CSMD1: variants seen among roughly 807,000 people sequenced by gnomAD.
The protein encoded by CSMD1 is CUB and Sushi multiple domains 1.
In CSMD1, 213 loss-of-function variants were observed where a neutral mutation model predicts 417.5. The observed-to-expected ratio is 0.51, with a 90% CI of 0.46 to 0.57. CSMD1 has a LOEUF of 0.57. Among genes scored for constraint, CSMD1 ranks in the 20% least tolerant of loss-of-function variants. The pLI is 0.00. For missense variants in CSMD1, 6,923 were observed against 4,529.7 expected, an observed-to-expected ratio of 1.53 and a Z score of -15.17; for synonymous variants, 2,862 against 1,736.8, an observed-to-expected ratio of 1.65 and a Z score of -16.11.
intron 2 of CSMD1, among the ~76,000 whole-genome samples, chr8:4,529,741 A>T (rs1796696130): frequency 6.6e-6 from 1 of 152,100 alleles, no homozygotes; most frequent in African/African-American, 2.4e-5. Context: ...CAAATTTTTC[A>T]GACTATAAAG....
rs568701915 is a variant in CSMD1 at position 4,050,766 on chromosome 8, C to A, written c.416-18667G>T. Among the ~76,000 whole-genome samples the A allele has an allele frequency of 8.5e-4, 129 of 152,166 alleles. No individual in the cohort carries two copies. The Middle Eastern group carries it at 0.014, about 16-fold the overall frequency. On this transcript the variant is annotated intron_variant, in intron 3 of 69. Transcript: ENST00000635120. ...CTAAACTATAAATGCCCTAATTGAC[C>A]AAGTGTATAAAATTCAGAGTCCCTG...
chr8:4,782,800 A>T (rs1332238689), intron 1 of CSMD1, among the ~76,000 whole-genome samples: 1 of 152,090 alleles, frequency 6.6e-6, no homozygotes, highest in Non-Finnish European at 1.5e-5. Context: ...GATTATATCT[A>T]TTTTCACATG....
intron 7 of CSMD1, among the ~76,000 whole-genome samples, chr8:3,660,127 A>G (rs1798334704): frequency 6.6e-6 from 1 of 152,194 alleles, no homozygotes; most frequent in African/African-American, 2.4e-5. Context: ...AGTTTGCAAA[A>G]TACTTTCAAC....
At chr8:4,409,724 A>C (rs558297085) in intron 3 of CSMD1, among the ~76,000 whole-genome samples, 18 of 152,006 alleles carry the variant, frequency 1.2e-4, no homozygotes, top group African/African-American at 4.1e-4. Context: ...CAGGCTTCCC[A>C]AGATGGCAAA....
rs1486970279 is a variant in CSMD1 at position 4,265,577 on chromosome 8, A to G, written c.415+154376T>C. Among the ~76,000 whole-genome samples, 14 of 105,656 alleles carry G rather than the reference A, an allele frequency of 1.3e-4. 4 individuals are homozygous for G. Among genetic ancestry groups the G allele is most frequent in the Non-Finnish European group, 3.1e-4 (12 of 39,278 alleles). The allele number at this position is 105,656 out of a possible 152,430, so 69.3% of individuals were successfully genotyped here. ...TTCATATACTCCTATGTTTTATGCT[A>G]TATTTTATGGAATACAAAACAAGGA... On this transcript the variant is annotated intron_variant, in intron 3 of 69. Coordinates refer to ENST00000635120, the MANE Select transcript of CSMD1 (RefSeq NM_033225.6).
chr8:3,228,820 T>C (rs994775410), intron 27 of CSMD1, among the ~76,000 whole-genome samples: 8 of 151,182 alleles, frequency 5.3e-5, no homozygotes, highest in Non-Finnish European at 8.8e-5. Context: ...AAGTAGGCCA[T>C]TGGTTTAAAA....
At chr8:3,012,560 C>G (rs570194576) in intron 52 of CSMD1, among the ~76,000 whole-genome samples, 83 of 152,142 alleles carry the variant, frequency 5.5e-4, no homozygotes, top group African/African-American at 2.0e-3. Context: ...ATCTCAGCCA[C>G]AATTCAGGGA....
intron 68 of CSMD1, among the ~76,000 whole-genome samples, chr8:2,945,397 TA>T (rs1802155057): frequency 6.6e-6 from 1 of 152,228 alleles, no homozygotes; most frequent in Non-Finnish European, 1.5e-5. Context: ...TGATTAGATA[TA>T]ACAGCATTTA....
At chr8:3,235,132 T>C (rs1454862278) in intron 26 of CSMD1, among the ~76,000 whole-genome samples, 1 of 152,188 alleles carries the variant, frequency 6.6e-6, no homozygotes. Flanking sequence ...AAAATAATTG[T>C]CATACAGTGA....
At position 4,217,690 on chromosome 8, in the gene CSMD1, G is replaced by A. The variant is rs140183635; in HGVS notation, c.416-185591C>T. Among the ~76,000 whole-genome samples the A allele has an allele frequency of 3.2e-3, 488 of 151,866 alleles. 1 individual carries two copies. The highest frequency in any genetic ancestry group is 0.011 in the African/African-American group (466 of 41,432). On this transcript the variant is annotated intron_variant, in intron 3 of 69. Coordinates refer to ENST00000635120, the MANE Select transcript of CSMD1 (RefSeq NM_033225.6). Reference sequence around the variant, plus strand: ...AAAAAAATTAGGAGCTAATTTTGTTGTCTGAATTTAAAGTTTTAGGAAATA... The same window carrying A: ...AAAAAAATTAGGAGCTAATTTTGTTATCTGAATTTAAAGTTTTAGGAAATA...
At chr8:4,807,786 C>G (rs1042658459) in intron 1 of CSMD1, among the ~76,000 whole-genome samples, 3 of 152,080 alleles carry the variant, frequency 2.0e-5, no homozygotes, top group African/African-American at 7.2e-5. Context: ...CTATATCTGA[C>G]ATAGAATAAT....
At chr8:4,007,732 TTA>T (rs1816237704) in intron 4 of CSMD1, among the ~76,000 whole-genome samples, 1 of 152,194 alleles carries the variant, frequency 6.6e-6, no homozygotes, top group Admixed American at 6.5e-5. Context: ...TTTCCTACAG[TTA>T]TATCAGTTGC....
intron 12 of CSMD1, among the ~76,000 whole-genome samples, chr8:3,413,964 C>T (rs910028718): frequency 5.9e-5 from 9 of 151,654 alleles, no homozygotes; most frequent in African/African-American, 2.2e-4. Flanking sequence ...CATCATGAAA[C>T]CCTATCTCTA....
chr8:3,754,072 C>T, intron 5 of CSMD1, 30 bp from the exon 6 acceptor site: 1 of 1,467,144 alleles, frequency 6.8e-7, no homozygotes, highest in Non-Finnish European at 9.5e-7. Flanking sequence ...AAAAAATCTC[C>T]CTTGTAAACC....
rs185404440 is a variant in CSMD1 at position 3,912,005 on chromosome 8, T to A, written c.818+85898A>T. ...GAACCGATAAAAATAGTTCAAAGGATCACCAATTGTCATATAGACACATAT... is the reference window on the plus strand; with the variant it reads ...GAACCGATAAAAATAGTTCAAAGGAACACCAATTGTCATATAGACACATAT... On this transcript the variant is annotated intron_variant, in intron 5 of 69. Coordinates refer to ENST00000635120, the MANE Select transcript of CSMD1 (RefSeq NM_033225.6). Among the ~76,000 whole-genome samples the A allele has an allele frequency of 2.0e-3, 304 of 152,334 alleles. 1 individual carries two copies. The highest frequency in any genetic ancestry group is 7.0e-3 in the African/African-American group (290 of 41,582).
At chr8:3,257,323 T>C (rs62505003) in intron 26 of CSMD1, among the ~76,000 whole-genome samples, 19,605 of 152,224 alleles carry the variant, frequency 0.13, 1,734 homozygotes, top group Non-Finnish European at 0.19. Context: ...AAACTCCATC[T>C]CAAAACAAAC....
chr8:4,937,015 A>C (rs1585365107), intron 1 of CSMD1, among the ~76,000 whole-genome samples: 1 of 152,184 alleles, frequency 6.6e-6, no homozygotes, highest in African/African-American at 2.4e-5. Context: ...ATTGGAGACC[A>C]GCCTGGCCAA....
intron 21 of CSMD1, among the ~76,000 whole-genome samples, chr8:3,358,573 A>T (rs1332719091): frequency 6.6e-6 from 1 of 152,016 alleles, no homozygotes; most frequent in African/African-American, 2.4e-5. Context: ...TTCATGGCAA[A>T]GTACCGAAAT....
intron 1 of CSMD1, among the ~76,000 whole-genome samples, chr8:4,726,936 T>A (rs293875): frequency 6.6e-6 from 1 of 152,108 alleles, no homozygotes; most frequent in East Asian, 1.9e-4. Context: ...CTTCTGGGGA[T>A]TGTACATATG....
Sources: allele counts gnomAD v4.1 joint callset (sites outside exome capture counted in the v4.1 genomes callset), GRCh38; gene constraint gnomAD v4.1.1; transcripts MANE v1.5; gene names NCBI Gene and HGNC (gene_info 2026-07-23, HGNC 2026-07-21).